The following CDH2 variants were observed in gnomAD, a reference collection of about 807,000 sequenced individuals.
CDH2 encodes the protein cadherin-2.
A neutral mutation model predicts 92.0 loss-of-function variants in CDH2; 17 were observed. That is an observed-to-expected ratio of 0.18 (90% CI 0.13 to 0.28). The LOEUF (loss-of-function observed/expected upper bound fraction) is 0.28. CDH2 is among the 10% of genes least tolerant of loss of function. The probability of loss-of-function intolerance (pLI) is 1.00; values close to 1 mark genes in which losing one functional copy is unlikely to be tolerated. For missense variants in CDH2, 862 were observed against 1,133.1 expected, an observed-to-expected ratio of 0.76 and a Z score of 3.44; for synonymous variants, 419 against 415.9, an observed-to-expected ratio of 1.01 and a Z score of -0.09.
At chr18:28,058,166 A>G (rs1289410143) in intron 2 of CDH2, among the ~76,000 whole-genome samples, 1 of 152,254 alleles carries the variant, frequency 6.6e-6, no homozygotes, top group Non-Finnish European at 1.5e-5. Context: ...CAGGAAAGCC[A>G]ATACAATAAC....
chr18:28,138,761 T>C (rs1438740191), intron 2 of CDH2, among the ~76,000 whole-genome samples: 4 of 152,036 alleles, frequency 2.6e-5, no homozygotes, highest in African/African-American at 7.2e-5. Flanking sequence ...ATAAAATGAA[T>C]GCCCTCCGAG....
chr18:28,084,379 A>G (rs2014887834), intron 2 of CDH2, among the ~76,000 whole-genome samples: 2 of 152,158 alleles, frequency 1.3e-5, no homozygotes, highest in South Asian at 2.1e-4. Flanking sequence ...AAATAGTACA[A>G]AATAACAAAA....
At chr18:28,016,463 G>GA (rs991162794) in intron 2 of CDH2, among the ~76,000 whole-genome samples, 1 of 144,488 alleles carries the variant, frequency 6.9e-6, no homozygotes, top group African/African-American at 2.5e-5. Context: ...AAAACCCAGG[G>GA]ACTTCAAAAA....
chr18:27,948,580 T>C (rs939072297), downstream of CDH2, among the ~76,000 whole-genome samples: 1 of 151,708 alleles, frequency 6.6e-6, no homozygotes, highest in Non-Finnish European at 1.5e-5. Context: ...AAAATGCATA[T>C]AAGCTCTAAT....
intron 2 of CDH2, among the ~76,000 whole-genome samples, chr18:28,128,661 G>C (rs1160341883): frequency 6.6e-6 from 1 of 151,768 alleles, no homozygotes; most frequent in South Asian, 2.1e-4. Flanking sequence ...ACTCCAGCCT[G>C]GGAAACAGGG....
chr18:27,966,672 G>C (rs1225456656), intron 14 of CDH2, among the ~76,000 whole-genome samples: 1 of 152,216 alleles, frequency 6.6e-6, no homozygotes, highest in Admixed American at 6.5e-5. Flanking sequence ...TCTGGACAAG[G>C]AAAGGATAGC....
chr18:27,952,116 G>T lies in CDH2; in HGVS notation c.*37C>A. 1 of 1,528,766 alleles carries T rather than the reference G, an allele frequency of 6.5e-7. No individual in the cohort carries two copies. Among genetic ancestry groups the T allele is most frequent in the Non-Finnish European group, 9.1e-7 (1 of 1,103,170 alleles). The allele number at this position is 1,528,766 out of a possible 1,614,324, so 94.7% of individuals were successfully genotyped here. A position where few individuals can be genotyped will look rare whatever the true frequency, so the allele number is the denominator to read the frequency against. ...CTTTTTGGGAATATCAGTTGAAATT[G>T]TTTGTACTTGTCCAAAAACCAAGTT... On this transcript the variant is annotated 3_prime_UTR_variant, in exon 16 of 16. Coordinates refer to ENST00000269141, the MANE Select transcript of CDH2 (RefSeq NM_001792.5).
intron 2 of CDH2, among the ~76,000 whole-genome samples, chr18:28,032,041 TAA>T (rs1440702033): frequency 6.6e-6 from 1 of 152,122 alleles, no homozygotes; most frequent in Non-Finnish European, 1.5e-5. Flanking sequence ...AAGTGGCAGA[TAA>T]AAGTGTTTTG....
intron 2 of CDH2, among the ~76,000 whole-genome samples, chr18:28,043,495 A>AAATAT (rs2014001979): frequency 1.1e-5 from 1 of 87,404 alleles, no homozygotes; most frequent in Non-Finnish European, 2.3e-5. Flanking sequence ...TATATATATA[A>AAATAT]ATATATATAT....
At chr18:28,015,343 A>G (rs2013215754) in intron 2 of CDH2, among the ~76,000 whole-genome samples, 1 of 152,218 alleles carries the variant, frequency 6.6e-6, no homozygotes, top group Admixed American at 6.5e-5. Context: ...ATAAAAGTAT[A>G]TCTCAAACTA....
At chr18:28,163,882 CCCAGATAGTAGTTATCTCTG>C (rs2016341027) in intron 1 of CDH2, among the ~76,000 whole-genome samples, 1 of 151,936 alleles carries the variant, frequency 6.6e-6, no homozygotes, top group African/African-American at 2.4e-5. Flanking sequence ...GTTAGAAAAA[CCCAGATAGTAGTTATCTCTG>C]CCAGATAGTA....
At chr18:28,128,437 T>C (rs1265105637) in intron 2 of CDH2, among the ~76,000 whole-genome samples, 1 of 152,140 alleles carries the variant, frequency 6.6e-6, no homozygotes, top group Non-Finnish European at 1.5e-5. Context: ...ACTCACACCT[T>C]AATCCCAGCA....
intron 2 of CDH2, among the ~76,000 whole-genome samples, chr18:28,098,872 T>C (rs1396636246): frequency 1.3e-5 from 2 of 152,174 alleles, no homozygotes; most frequent in Non-Finnish European, 2.9e-5. Flanking sequence ...GACAGTGCTA[T>C]GTACATTAAT....
intron 2 of CDH2, among the ~76,000 whole-genome samples, chr18:28,101,971 A>C (rs981354226): frequency 1.7e-4 from 26 of 152,170 alleles, no homozygotes; most frequent in African/African-American, 4.8e-4. Flanking sequence ...CTATTTCTCA[A>C]ATTGCTCAAG....
chr18:28,144,735 C>T (rs911030724), intron 2 of CDH2, among the ~76,000 whole-genome samples: 19 of 151,984 alleles, frequency 1.3e-4, no homozygotes, highest in Non-Finnish European at 2.5e-4. Context: ...TTTTAAAATA[C>T]AGAACTATCT....
chr18:28,093,972 G>A (rs1178020304), intron 2 of CDH2, among the ~76,000 whole-genome samples: 3 of 152,140 alleles, frequency 2.0e-5, no homozygotes, highest in African/African-American at 4.8e-5. Context: ...GACTGGACAC[G>A]TCCCATAGCC....
intron 2 of CDH2, among the ~76,000 whole-genome samples, chr18:28,057,523 C>T (rs2014315116): frequency 6.6e-6 from 1 of 152,072 alleles, no homozygotes; most frequent in African/African-American, 2.4e-5. Context: ...CAAAAATCAG[C>T]TGGGCATGGT....
intron 2 of CDH2, among the ~76,000 whole-genome samples, chr18:28,141,095 C>G (rs1443267946): frequency 6.6e-6 from 1 of 151,616 alleles, no homozygotes; most frequent in Non-Finnish European, 1.5e-5. Flanking sequence ...AAATGGTTCA[C>G]CTGCTGTGGA....
intron 2 of CDH2, among the ~76,000 whole-genome samples, chr18:28,147,092 AAATGAGACTAT>A (rs1287116407): frequency 6.6e-6 from 1 of 152,090 alleles, no homozygotes; most frequent in East Asian, 1.9e-4. Context: ...TTTAAATGGG[AAATGAGACTAT>A]ATTTAAAATT....
Sources: allele counts gnomAD v4.1 joint callset (sites outside exome capture counted in the v4.1 genomes callset), GRCh38; gene constraint gnomAD v4.1.1; transcripts MANE v1.5; gene names NCBI Gene and HGNC (gene_info 2026-07-23, HGNC 2026-07-21).